The following LSAMP variants were observed in gnomAD, a reference collection of about 807,000 sequenced individuals.
LSAMP encodes the protein limbic system associated membrane protein, also known as limbic system-associated membrane protein.
Under a neutral mutation model 38.6 loss-of-function variants are expected in LSAMP, and 7 were observed. That is an observed-to-expected ratio of 0.18 (90% confidence interval 0.10 to 0.34). LSAMP has a LOEUF of 0.34. Among genes scored for constraint, LSAMP ranks in the 10% least tolerant of loss-of-function variants. The pLI, the probability that LSAMP is intolerant of heterozygous loss-of-function variation, is 1.00. For synonymous variants in LSAMP, 154 were observed against 166.8 expected (o/e 0.92, Z 0.59); for missense variants, 313 against 420.0 (o/e 0.75, Z 2.23).
intron 1 of LSAMP, among the ~76,000 whole-genome samples, chr3:116,340,388 C>T (rs1467956780): frequency 1.3e-5 from 2 of 151,772 alleles, no homozygotes; most frequent in African/African-American, 2.4e-5. Context: ...CTCTACATAC[C>T]CCAGTGTAGA....
chr3:116,204,520 T>G (rs1173459567), intron 1 of LSAMP, among the ~76,000 whole-genome samples: 1 of 150,660 alleles, frequency 6.6e-6, no homozygotes, highest in Non-Finnish European at 1.5e-5. Context: ...TCTTCTAGGG[T>G]TTTTATGGTT....
intron 1 of LSAMP, among the ~76,000 whole-genome samples, chr3:116,396,368 T>G (rs143114470): frequency 1.3e-5 from 2 of 152,328 alleles, no homozygotes; most frequent in East Asian, 3.9e-4. Flanking sequence ...GCCTCTTTTT[T>G]GTAACTACTA....
chr3:116,295,127 T>C (rs2047313677), intron 1 of LSAMP, among the ~76,000 whole-genome samples: 1 of 152,206 alleles, frequency 6.6e-6, no homozygotes. Flanking sequence ...GAAAATCATA[T>C]CTTTATAGTT....
chr3:116,375,664 A>T (rs2048485200), intron 1 of LSAMP, among the ~76,000 whole-genome samples: 1 of 151,898 alleles, frequency 6.6e-6, no homozygotes. Context: ...GATAGATTTT[A>T]TTTGTAATAT....
At chr3:116,235,520 A>G (rs1457549318) in intron 1 of LSAMP, among the ~76,000 whole-genome samples, 3 of 152,160 alleles carry the variant, frequency 2.0e-5, no homozygotes, top group Non-Finnish European at 2.9e-5. Context: ...ATAGAGATAG[A>G]GATACGATGC....
rs200722530 is a variant in LSAMP at position 116,397,474 on chromosome 3, ACTAT to A, written c.155+47399_155+47402del. ...ATTTTTGTTCTTCATAGTACTTATC[ACTAT>A]CTAACATAATATTTACTTATTTATT... is the stretch of plus-strand genomic sequence containing the variant. On this transcript the variant is annotated intron_variant, in intron 1 of 6. Transcript: ENST00000490035. 8.7e-3 allele frequency among the ~76,000 whole-genome samples: 1,296 copies of A among 148,326 alleles called. 20 individuals are homozygous for A. The highest frequency in any genetic ancestry group is 0.03 in the African/African-American group (1,227 of 40,824).
chr3:116,272,155 T>C (rs1229806214), intron 1 of LSAMP, among the ~76,000 whole-genome samples: 1 of 151,552 alleles, frequency 6.6e-6, no homozygotes, highest in African/African-American at 2.4e-5. Flanking sequence ...AATAAATATA[T>C]ATATATATAA....
intron 2 of LSAMP, among the ~76,000 whole-genome samples, chr3:116,061,672 T>C (rs538021597): frequency 6.6e-6 from 1 of 152,334 alleles, no homozygotes; most frequent in South Asian, 2.1e-4. Flanking sequence ...TCAGATATAT[T>C]GTGGATTTTT....
intron 1 of LSAMP, among the ~76,000 whole-genome samples, chr3:116,196,123 C>T (rs1265726344): frequency 6.6e-6 from 1 of 152,024 alleles, no homozygotes; most frequent in African/African-American, 2.4e-5. Flanking sequence ...ATTGATCATC[C>T]GAGGACTTTC....
In LSAMP at chr3:116,001,681, C is replaced by T. The variant is rs192224967; in HGVS notation, c.514+17834G>A. Among the ~76,000 whole-genome samples the T allele has an allele frequency of 2.2e-3, 333 of 152,218 alleles. 2 individuals carry two copies. Among genetic ancestry groups the T allele is most frequent in the African/African-American group, 7.1e-3 (297 of 41,548 alleles). On this transcript the variant is annotated intron_variant, in intron 3 of 6. Coordinates refer to ENST00000490035, the MANE Select transcript of LSAMP (RefSeq NM_002338.5). ...GCTGCCTGCAGTCCTTGGCTGTGGC[C>T]GCCTTCTCCATCTTCACACCAGCAG...
intron 1 of LSAMP, among the ~76,000 whole-genome samples, chr3:116,292,962 G>A (rs1312816705): frequency 2.6e-5 from 4 of 152,142 alleles, no homozygotes; most frequent in Admixed American, 2.6e-4. Context: ...TGCTATGTCA[G>A]CCTTAACAAA....
intron 6 of LSAMP, among the ~76,000 whole-genome samples, chr3:115,841,054 C>G (rs918482337): frequency 2.6e-5 from 4 of 152,192 alleles, no homozygotes; most frequent in Admixed American, 2.6e-4. Flanking sequence ...TGCTTCTGTG[C>G]TCATAGTCAC....
intron 1 of LSAMP, among the ~76,000 whole-genome samples, chr3:116,103,785 G>A (rs561926277): frequency 3.3e-5 from 5 of 152,064 alleles, no homozygotes; most frequent in Admixed American, 6.5e-5. Context: ...GGAAGTCAGA[G>A]TCCCTAATTT....
chr3:115,881,669 A>G (rs1936326926), intron 3 of LSAMP, among the ~76,000 whole-genome samples: 1 of 152,180 alleles, frequency 6.6e-6, no homozygotes, highest in African/African-American at 2.4e-5. Context: ...TGATTAAGCC[A>G]GATGGGATAT....
At chr3:115,839,766 T>C (rs866351599) in intron 6 of LSAMP, among the ~76,000 whole-genome samples, 7 of 152,328 alleles carry the variant, frequency 4.6e-5, no homozygotes, top group Middle Eastern at 6.8e-3. Context: ...ACATCATTAA[T>C]CACTGCACCA....
chr3:116,394,013 C>T (rs538588803), intron 1 of LSAMP, among the ~76,000 whole-genome samples: 5 of 152,252 alleles, frequency 3.3e-5, no homozygotes, highest in East Asian at 1.9e-4. Context: ...GGAAGACCAG[C>T]GAATCTGCTC....
intron 6 of LSAMP, among the ~76,000 whole-genome samples, chr3:115,840,711 C>T (rs1175925799): frequency 1.3e-5 from 2 of 152,070 alleles, no homozygotes; most frequent in African/African-American, 2.4e-5. Flanking sequence ...AGAACTCTCA[C>T]TTAAATTGAT....
At chr3:116,271,198 A>G (rs986474795) in intron 1 of LSAMP, among the ~76,000 whole-genome samples, 9 of 152,112 alleles carry the variant, frequency 5.9e-5, no homozygotes, top group Non-Finnish European at 1.2e-4. Context: ...TTTTAGTATA[A>G]AAATACAAGG....
At chr3:115,866,986 A>G (rs1935879496) in intron 3 of LSAMP, among the ~76,000 whole-genome samples, 2 of 152,132 alleles carry the variant, frequency 1.3e-5, no homozygotes, top group Non-Finnish European at 2.9e-5. Context: ...AACTGGAAAA[A>G]GACTGGAATG....
Sources: allele counts gnomAD v4.1 joint callset (sites outside exome capture counted in the v4.1 genomes callset), GRCh38; gene constraint gnomAD v4.1.1; transcripts MANE v1.5; gene names NCBI Gene and HGNC (gene_info 2026-07-23, HGNC 2026-07-21).